CYB5R4: variants seen among roughly 807,000 people sequenced by gnomAD.
CYB5R4 encodes the protein N-terminal cytochrome b5 and cytochrome b5 oxidoreductase domain-containing protein.
Under a neutral mutation model 70.2 loss-of-function variants are expected in CYB5R4, and 55 were observed. The observed-to-expected ratio is 0.78, with a 90% CI of 0.63 to 0.98. The LOEUF (loss-of-function observed/expected upper bound fraction) is 0.98. Among genes scored for constraint, CYB5R4 ranks in the 50% least tolerant of loss-of-function variants. CYB5R4 has a pLI of 0.00. For missense variants in CYB5R4, 562 were observed against 612.6 expected (o/e 0.92, Z 0.87); for synonymous variants, 197 against 199.5 (o/e 0.99, Z 0.11).
intron 2 of CYB5R4, among the ~76,000 whole-genome samples, chr6:83,868,732 G>C (rs909180439): frequency 3.3e-5 from 5 of 152,168 alleles, no homozygotes; most frequent in African/African-American, 9.7e-5. Context: ...TGTTGAGCAA[G>C]TAGCTAAATC....
chr6:83,870,438 T>C (rs1407003284), intron 2 of CYB5R4, among the ~76,000 whole-genome samples: 1 of 140,606 alleles, frequency 7.1e-6, no homozygotes, highest in Non-Finnish European at 1.5e-5. Context: ...CTGATTTATC[T>C]AACCGTTTTT....
At chr6:83,933,772 A>C (rs1315559659) in intron 10 of CYB5R4, among the ~76,000 whole-genome samples, 4 of 152,130 alleles carry the variant, frequency 2.6e-5, no homozygotes, top group Non-Finnish European at 5.9e-5. Context: ...GGATATTTCA[A>C]ATTTCTCTAG....
intron 2 of CYB5R4, among the ~76,000 whole-genome samples, chr6:83,892,734 G>C (rs771987415): frequency 1.6e-4 from 25 of 152,146 alleles, no homozygotes; most frequent in Non-Finnish European, 2.9e-4. Context: ...CCTTTGCTGA[G>C]ATGATCAGAG....
chr6:83,933,289 G>A (rs546872621), intron 10 of CYB5R4, among the ~76,000 whole-genome samples: 4 of 152,262 alleles, frequency 2.6e-5, no homozygotes, highest in South Asian at 2.1e-4. Context: ...TGCATAAAGC[G>A]ATATAGTCTA....
intron 2 of CYB5R4, among the ~76,000 whole-genome samples, chr6:83,888,760 C>T (rs1222915513): frequency 3.3e-5 from 5 of 152,036 alleles, no homozygotes; most frequent in South Asian, 2.1e-4. Context: ...AAACTAGAAA[C>T]GATTAAGCTT....
intron 10 of CYB5R4, among the ~76,000 whole-genome samples, chr6:83,930,454 T>A (rs1187306399): frequency 6.6e-6 from 1 of 152,180 alleles, no homozygotes; most frequent in Non-Finnish European, 1.5e-5. Context: ...AGGAGTAGAT[T>A]CCATCTCAAG....
chr6:83,871,121 C>T (rs189238014), intron 2 of CYB5R4, among the ~76,000 whole-genome samples: 19 of 151,840 alleles, frequency 1.3e-4, no homozygotes, highest in Admixed American at 9.8e-4. Flanking sequence ...GGATTATAGG[C>T]GCCTGCAGCC....
chr6:83,905,992 C>A (rs1426096648), intron 3 of CYB5R4, among the ~76,000 whole-genome samples: 1 of 152,058 alleles, frequency 6.6e-6, no homozygotes, highest in African/African-American at 2.4e-5. Context: ...CTGGACTGGG[C>A]AATCTCCTGG....
intron 4 of CYB5R4, chr6:83,910,205 T>G: frequency 6.9e-7 from 1 of 1,441,940 alleles, no homozygotes; most frequent in Non-Finnish European, 9.5e-7. Context: ...ATGGGCTGCC[T>G]GCCAGTTGGA....
rs1004437226 is a variant in CYB5R4, at chr6:83,960,102, C to T, written c.*224C>T. Reference sequence around the variant, plus strand: ...ATTTGACCTGGAAAGTTAATCATGGCAACAAATACATACAGGATTCTTTGT... The same window carrying T: ...ATTTGACCTGGAAAGTTAATCATGGTAACAAATACATACAGGATTCTTTGT... On this transcript the variant is annotated 3_prime_UTR_variant, in exon 16 of 16. Coordinates refer to ENST00000369681, the MANE Select transcript of CYB5R4 (RefSeq NM_016230.4). 6 of 375,274 alleles carry T rather than the reference C, an allele frequency of 1.6e-5. No individual in the cohort carries two copies. Among genetic ancestry groups the T allele is most frequent in the African/African-American group, 1.1e-4 (5 of 46,854 alleles). 23.2% of individuals were successfully genotyped at this position (375,274 alleles called of 1,614,324 possible). A position where few individuals can be genotyped will look rare whatever the true frequency, so the allele number is the denominator to read the frequency against.
chr6:83,916,856 A>G (rs1483386890), intron 5 of CYB5R4, among the ~76,000 whole-genome samples: 1 of 152,220 alleles, frequency 6.6e-6, no homozygotes, highest in Non-Finnish European at 1.5e-5. Flanking sequence ...TTAAATTTAT[A>G]TCAAATACTT....
chr6:83,944,947 C>A (rs1344868870), intron 14 of CYB5R4, among the ~76,000 whole-genome samples: 1 of 152,080 alleles, frequency 6.6e-6, no homozygotes, highest in Admixed American at 6.6e-5. Flanking sequence ...TAGAGACCTA[C>A]GAAGAGACAC....
chr6:83,947,423 C>T (rs888918829), intron 14 of CYB5R4, among the ~76,000 whole-genome samples: 1 of 151,988 alleles, frequency 6.6e-6, no homozygotes, highest in Non-Finnish European at 1.5e-5. Context: ...AAGATTTAAA[C>T]ATAAAATCTA....
chr6:83,956,375 G>T (rs370059911), intron 15 of CYB5R4, among the ~76,000 whole-genome samples: 4 of 152,144 alleles, frequency 2.6e-5, no homozygotes, highest in East Asian at 1.9e-4. Context: ...CTGGATTGGG[G>T]GGGGCACGGG....
At chr6:83,870,203 G>A (rs961094301) in intron 2 of CYB5R4, among the ~76,000 whole-genome samples, 1 of 152,034 alleles carries the variant, frequency 6.6e-6, no homozygotes, top group African/African-American at 2.4e-5. Context: ...GTCAGTATTC[G>A]CTAATTCAGT....
intron 2 of CYB5R4, among the ~76,000 whole-genome samples, chr6:83,864,617 C>T (rs2099456462): frequency 6.6e-6 from 1 of 151,976 alleles, no homozygotes; most frequent in African/African-American, 2.4e-5. Context: ...CAATATAGTA[C>T]AAAATTATTT....
chr6:83,922,864 C>T (rs2099466618), intron 9 of CYB5R4, among the ~76,000 whole-genome samples: 1 of 152,078 alleles, frequency 6.6e-6, no homozygotes, highest in South Asian at 2.1e-4. Context: ...TCTTGGTTCA[C>T]TGCAACCTCT....
chr6:83,924,256 G>T (rs1168220496), intron 9 of CYB5R4, among the ~76,000 whole-genome samples: 2 of 149,622 alleles, frequency 1.3e-5, no homozygotes, highest in African/African-American at 4.9e-5. Context: ...TAGTTTGAAA[G>T]AACTTAATCT....
intron 3 of CYB5R4, among the ~76,000 whole-genome samples, chr6:83,894,657 TATAAC>T (rs918961973): frequency 1.3e-5 from 2 of 152,202 alleles, no homozygotes; most frequent in African/African-American, 2.4e-5. Context: ...AAGCCTTACT[TATAAC>T]ATAAACAGTC....
Sources: gnomAD v4.1 joint callset for allele counts (sites outside exome capture counted in the v4.1 genomes callset) on GRCh38, gnomAD v4.1.1 for gene constraint, MANE v1.5 for transcripts, NCBI Gene and HGNC (gene_info 2026-07-23, HGNC 2026-07-21) for gene names.